The following HDAC1 variants were observed in gnomAD, a reference collection of about 807,000 sequenced individuals.
The protein encoded by HDAC1 is histone deacetylase 1.
A neutral mutation model predicts 65.5 loss-of-function variants in HDAC1; 18 were observed. That is an observed-to-expected ratio of 0.27 (90% CI 0.19 to 0.41). The LOEUF (loss-of-function observed/expected upper bound fraction) is 0.41, where lower values mean the gene tolerates loss of function less well. Ranked by LOEUF, HDAC1 falls within the 10% of genes least tolerant of loss-of-function variation. HDAC1 has a pLI of 1.00. For synonymous variants in HDAC1, 211 were observed against 227.9 expected (o/e 0.93, Z 0.67); for missense variants, 373 against 625.2 (o/e 0.60, Z 4.30).
At chr1:32,309,152 G>T (rs892586175) in intron 2 of HDAC1, among the ~76,000 whole-genome samples, 1 of 152,136 alleles carries the variant, frequency 6.6e-6, no homozygotes, top group African/African-American at 2.4e-5. Flanking sequence ...CATTGAGCAG[G>T]TGCTATATGT....
chr1:32,320,145 G>A (rs1403100417), intron 3 of HDAC1, among the ~76,000 whole-genome samples: 7 of 151,430 alleles, frequency 4.6e-5, no homozygotes, highest in East Asian at 3.9e-4. Flanking sequence ...GTGTGAACCC[G>A]ACAGGCGGAG....
rs1231788573 is a variant in HDAC1 at position 32,333,348 on chromosome 1, G to A, written c.*304G>A. The A allele has an allele frequency of 8.7e-6, 2 of 228,924 alleles. No individual in the cohort carries two copies. The highest frequency in any genetic ancestry group is 1.7e-5 in the Non-Finnish European group (2 of 117,248). The allele number at this position is 228,924 out of a possible 1,614,324, so 14.2% of individuals were successfully genotyped here. A position where few individuals can be genotyped will look rare whatever the true frequency, so the allele number is the denominator to read the frequency against. On this transcript the variant is annotated 3_prime_UTR_variant, in exon 14 of 14. Transcript: ENST00000373548. ...TCCTGAAATGCCAAGTGCCTGCTTA[G>A]TAGCTTTGGAAAGGTGCCCTTATTG...
intron 12 of HDAC1, among the ~76,000 whole-genome samples, 193 bp downstream of exon 12, chr1:32,332,435 C>T (rs934974768): frequency 6.6e-6 from 1 of 152,226 alleles, no homozygotes; most frequent in Non-Finnish European, 1.5e-5. Flanking sequence ...GAGCACGGCT[C>T]TCACATACCA....
intron 1 of HDAC1, among the ~76,000 whole-genome samples, chr1:32,293,059 G>A (rs1640719055): frequency 6.6e-6 from 1 of 152,188 alleles, no homozygotes; most frequent in Admixed American, 6.5e-5. Context: ...GGTGGCTCAC[G>A]CCTGTAATCC....
rs188940393 is a variant in HDAC1 at position 32,310,097 on chromosome 1, A to G, written c.163-6568A>G. 3.7e-3 allele frequency among the ~76,000 whole-genome samples: 564 copies of G among 152,308 alleles called. 1 individual carries two copies. Among genetic ancestry groups the G allele is most frequent in the African/African-American group, 0.013 (528 of 41,566 alleles). ...ACCTTTAAAAAATGAAATTGTCCAG[A>G]AAGGATCTGGCAGTTGGGCCCAAAT... On this transcript the variant is annotated intron_variant, in intron 2 of 13. Coordinates refer to ENST00000373548, the MANE Select transcript of HDAC1 (RefSeq NM_004964.3).
chr1:32,313,255 C>T (rs560779311), intron 2 of HDAC1, among the ~76,000 whole-genome samples: 1 of 151,928 alleles, frequency 6.6e-6, no homozygotes, highest in East Asian at 1.9e-4. Context: ...CCATGACGCC[C>T]GGCTAATTTT....
intron 2 of HDAC1, among the ~76,000 whole-genome samples, chr1:32,315,751 A>AG (rs1194992040): frequency 6.9e-6 from 1 of 143,944 alleles, no homozygotes; most frequent in Non-Finnish European, 1.5e-5. Flanking sequence ...GGATCACCTG[A>AG]GGTCAGGAGT....
chr1:32,328,942 G>T, intron 6 of HDAC1, 126 bp from the exon 7 acceptor site: 1 of 726,158 alleles, frequency 1.4e-6, no homozygotes. Flanking sequence ...CCTCTGTTCT[G>T]TCCTGGCCCA....
rs548671904 is a variant in HDAC1 at position 32,316,875 on chromosome 1, T to C, written c.280+93T>C. 3.3e-5 allele frequency: 26 copies of C among 783,298 alleles called. No homozygotes were observed. The South Asian group carries it at 3.6e-4, about 11-fold the overall frequency. 48.5% of individuals were successfully genotyped at this position (783,298 alleles called of 1,614,324 possible). ...CATTCTGCCGTCCTCGCACCTCCCA[T>C]TCAGTGGACACCTGATTTCCCCTAC... is the stretch of plus-strand genomic sequence containing the variant. On this transcript the variant is annotated intron_variant, in intron 3 of 13. Coordinates refer to ENST00000373548, the MANE Select transcript of HDAC1 (RefSeq NM_004964.3).
At position 32,329,121 on chromosome 1, in the gene HDAC1, CG is replaced by C; in HGVS notation, c.693del (p.Ile232LeufsTer17). The C allele has an allele frequency of 6.2e-7, 1 of 1,612,906 alleles. No individual in the cohort carries two copies. Among genetic ancestry groups the C allele is most frequent in the Non-Finnish European group, 8.5e-7 (1 of 1,178,996 alleles). On this transcript the variant is annotated frameshift_variant, in exon 7 of 14. Transcript: ENST00000373548. LOFTEE classifies it high-confidence loss of function. This position sits in a 1 kb window ranked among gnomAD's most constrained non-coding sequence, Gnocchi z 4.1. ...ATGCTGTTAACTACCCGCTCCGAGA[CG>C]GGATTGATGACGAGTCCTATGAGGC... The part of the protein sequence containing the change: ...YYAVNYPLRD[G>X]IDDESYEAIF...
At position 32,327,417 on chromosome 1, in the gene HDAC1, G is replaced by A. The variant is rs1052391192; in HGVS notation, c.495-119G>A. ...CCACCTTCCTTCAGCCAGTTTCCACGTCTCTGGTGCTTAGAGATACCTGAG... is the reference window on the plus strand; with the variant it reads ...CCACCTTCCTTCAGCCAGTTTCCACATCTCTGGTGCTTAGAGATACCTGAG... On this transcript the variant is annotated intron_variant, in intron 5 of 13. Coordinates refer to ENST00000373548, the MANE Select transcript of HDAC1 (RefSeq NM_004964.3). The surrounding 1 kb of genome is among the most constrained non-coding windows in gnomAD (Gnocchi z 6.0). The A allele has an allele frequency of 8.8e-6, 7 of 790,980 alleles. No individual in the cohort carries two copies. The highest frequency in any genetic ancestry group is 5.2e-5 in the African/African-American group (3 of 58,228). 49.0% of individuals were successfully genotyped at this position (790,980 alleles called of 1,614,324 possible).
chr1:32,304,887 T>G (rs1430007407), intron 2 of HDAC1, among the ~76,000 whole-genome samples: 1 of 152,032 alleles, frequency 6.6e-6, no homozygotes, highest in Non-Finnish European at 1.5e-5. Flanking sequence ...TCAGAAAAAT[T>G]TTTTTGTAGA....
chr1:32,292,377 G>C lies in HDAC1; in HGVS notation c.49+159G>C, dbSNP rs947314548. 3.0e-6 allele frequency: 3 copies of C among 985,166 alleles called. No homozygotes were observed. In the African/African-American group the frequency reaches 5.2e-5, roughly 17 times the overall value. 61.0% of individuals were successfully genotyped at this position (985,166 alleles called of 1,614,324 possible). On this transcript the variant is annotated intron_variant, in intron 1 of 13. Transcript: ENST00000373548. ...GGGGGAAGTCGAGGCTGAGGGAGGA[G>C]GCTGCGAGGAAGGGAGATCGAGGCT...
In HDAC1 at chr1:32,327,760, T is replaced by C. The variant is rs775503071; in HGVS notation, c.636+83T>C. Reference sequence around the variant, plus strand: ...TCTCCTATCTCATGCCACTAAAAATTGCTTCTTGCCTCTTCTGCCAATCAG... The same window carrying C: ...TCTCCTATCTCATGCCACTAAAAATCGCTTCTTGCCTCTTCTGCCAATCAG... On this transcript the variant is annotated intron_variant, in intron 6 of 13. Transcript: ENST00000373548. This position sits in a 1 kb window ranked among gnomAD's most constrained non-coding sequence, Gnocchi z 6.0. The C allele has an allele frequency of 7.6e-7, 1 of 1,308,564 alleles. No homozygotes were observed. Among genetic ancestry groups the C allele is most frequent in the Non-Finnish European group, 1.1e-6 (1 of 909,328 alleles). 81.1% of individuals were successfully genotyped at this position (1,308,564 alleles called of 1,614,324 possible). A position where few individuals can be genotyped will look rare whatever the true frequency, so the allele number is the denominator to read the frequency against.
At chr1:32,301,966 G>A (rs1640854818) in intron 1 of HDAC1, among the ~76,000 whole-genome samples, 1 of 152,202 alleles carries the variant, frequency 6.6e-6, no homozygotes, top group Non-Finnish European at 1.5e-5. Context: ...GGGATGGGGA[G>A]CCATAAGGAT....
rs1641241294 is a variant in HDAC1 at position 32,327,925 on chromosome 1, G to A, written c.636+248G>A. ...CTGTACTTTCCTCCTGGCCACAGCTGGGTTGCATCACACTATTCTTATGTC... is the reference window on the plus strand; with the variant it reads ...CTGTACTTTCCTCCTGGCCACAGCTAGGTTGCATCACACTATTCTTATGTC... On this transcript the variant is annotated intron_variant, in intron 6 of 13. Transcript: ENST00000373548. This position sits in a 1 kb window ranked among gnomAD's most constrained non-coding sequence, Gnocchi z 6.0. Among the ~76,000 whole-genome samples, 1 of 152,176 alleles carries A rather than the reference G, an allele frequency of 6.6e-6. No homozygotes were observed. Among genetic ancestry groups the A allele is most frequent in the Non-Finnish European group, 1.5e-5 (1 of 68,036 alleles).
intron 2 of HDAC1, among the ~76,000 whole-genome samples, chr1:32,311,797 C>T (rs1640995864): frequency 6.6e-6 from 1 of 152,072 alleles, no homozygotes; most frequent in Non-Finnish European, 1.5e-5. Context: ...TTTGAAGTGC[C>T]TTTAGGGTTT....
chr1:32,304,291 G>A (rs1640884602), intron 2 of HDAC1, among the ~76,000 whole-genome samples: 1 of 152,172 alleles, frequency 6.6e-6, no homozygotes, highest in African/African-American at 2.4e-5. Context: ...GGGGAAGCAA[G>A]GAAGGAAAGT....
At chr1:32,293,471 T>G (rs1640725665) in intron 1 of HDAC1, among the ~76,000 whole-genome samples, 1 of 151,934 alleles carries the variant, frequency 6.6e-6, no homozygotes. Context: ...ACCTTAGAAA[T>G]TAAAGTAATG....
Sources: gnomAD v4.1 joint callset for allele counts (sites outside exome capture counted in the v4.1 genomes callset) on GRCh38, gnomAD v4.1.1 for gene constraint, Gnocchi (gnomAD v3.1) non-coding constraint, MANE v1.5 for transcripts, NCBI Gene and HGNC (gene_info 2026-07-23, HGNC 2026-07-21) for gene names.